KCNQ1: variants seen among roughly 807,000 people sequenced by gnomAD.
KCNQ1 encodes potassium voltage-gated channel subfamily Q member 1.
In KCNQ1, 49 loss-of-function variants were observed where a neutral mutation model predicts 72.4. The ratio of observed to expected loss-of-function variants is 0.68; its 90% CI spans 0.54 to 0.86. The LOEUF is 0.86. Ranked by LOEUF, KCNQ1 falls within the 40% of genes least tolerant of loss-of-function variation. KCNQ1 has a pLI of 0.00. For synonymous variants in KCNQ1, 450 were observed against 412.6 expected (o/e 1.09, Z -1.10); for missense variants, 790 against 945.1 (o/e 0.84, Z 2.15).
chr11:2,520,542 C>T (rs557517735), intron 1 of KCNQ1, among the ~76,000 whole-genome samples: 1 of 152,294 alleles, frequency 6.6e-6, no homozygotes, highest in African/African-American at 2.4e-5. Flanking sequence ...GGGTGACCAG[C>T]TGGTAGCTTT....
chr11:2,615,474 T>C (rs1029892227), intron 10 of KCNQ1: 2 of 397,984 alleles, frequency 5.0e-6, no homozygotes, highest in African/African-American at 4.1e-5. Context: ...CAGCCATATC[T>C]TACTCTTTGT....
intron 10 of KCNQ1, chr11:2,649,440 T>C: frequency 2.5e-6 from 1 of 398,564 alleles, no homozygotes; most frequent in Non-Finnish European, 4.4e-6. Context: ...GATGTAGTAC[T>C]CCCTTAAGCA....
In KCNQ1 at chr11:2,536,201, C is replaced by T. The variant is rs566716217; in HGVS notation, c.477+8183C>T. ...GGGCAGCAGGGGCGCTCAGCTGGGC[C>T]GCGGCTCCACGGTGTTAAGGGATTC... is the stretch of plus-strand genomic sequence containing the variant. On this transcript the variant is annotated intron_variant, in intron 2 of 15. Coordinates refer to ENST00000155840, the MANE Select transcript of KCNQ1 (RefSeq NM_000218.3). The surrounding 1 kb of genome is among the most constrained non-coding windows in gnomAD (Gnocchi z 7.4). Among the ~76,000 whole-genome samples, 9 of 152,332 alleles carry T rather than the reference C, an allele frequency of 5.9e-5. No homozygotes were observed. The highest frequency in any genetic ancestry group is 2.1e-4 in the South Asian group (1 of 4,830).
At chr11:2,791,352 G>C (rs1253571723) in intron 15 of KCNQ1, among the ~76,000 whole-genome samples, 1 of 152,044 alleles carries the variant, frequency 6.6e-6, no homozygotes, top group African/African-American at 2.4e-5. Context: ...GCGGAGCCTT[G>C]TCTGTGCGGC....
chr11:2,789,311 T>C (rs1326145981), intron 15 of KCNQ1, among the ~76,000 whole-genome samples: 3 of 152,214 alleles, frequency 2.0e-5, no homozygotes, highest in Non-Finnish European at 4.4e-5. Flanking sequence ...TGGAAGGGAC[T>C]CTAGCACTGC....
At position 2,564,112 on chromosome 11, in the gene KCNQ1, A is replaced by ACCATTTAAG. The variant is rs1848213088; in HGVS notation, c.478-6510_478-6509insAAGCCATTT. 1.3e-5 allele frequency among the ~76,000 whole-genome samples: 2 copies of ACCATTTAAG among 152,138 alleles called. No individual in the cohort carries two copies. Among genetic ancestry groups the ACCATTTAAG allele is most frequent in the African/African-American group, 4.8e-5 (2 of 41,418 alleles). On this transcript the variant is annotated intron_variant, in intron 2 of 15. Coordinates refer to ENST00000155840, the MANE Select transcript of KCNQ1 (RefSeq NM_000218.3). The surrounding 1 kb of genome is among the most constrained non-coding windows in gnomAD (Gnocchi z 4.5). The stretch of plus-strand genomic sequence containing the variant: ...AGAGAACACACATAACGTAAAATTC[A>ACCATTTAAG]CCATTTCAGCCATTTCAGCCATTTC...
Position 2,683,612 on chromosome 11 carries a change from C to T in KCNQ1, c.1514+21531C>T, listed in dbSNP as rs1850435881. 5.0e-6 allele frequency: 2 copies of T among 398,646 alleles called. No homozygotes were observed. The highest frequency in any genetic ancestry group is 4.4e-5 in the Admixed American group (1 of 22,734). 24.7% of individuals were successfully genotyped at this position (398,646 alleles called of 1,614,324 possible). ...AAATGCCAACTCATTTCAAATACTG[C>T]TCTAGACAACTGGGCCCTGCATCTG... On this transcript the variant is annotated intron_variant, in intron 11 of 15. Transcript: ENST00000155840. This position sits in a 1 kb window ranked among gnomAD's most constrained non-coding sequence, Gnocchi z 4.7.
chr11:2,837,576 TAAG>T (rs889538018), intron 15 of KCNQ1, among the ~76,000 whole-genome samples: 1 of 152,098 alleles, frequency 6.6e-6, no homozygotes, highest in Non-Finnish European at 1.5e-5. Flanking sequence ...AGGCGGCCTC[TAAG>T]AAGCACACAC....
intron 11 of KCNQ1, among the ~76,000 whole-genome samples, chr11:2,741,054 C>T (rs574423449): frequency 6.6e-6 from 1 of 152,294 alleles, no homozygotes; most frequent in East Asian, 1.9e-4. Flanking sequence ...TTTGGGGGCG[C>T]CCTGGGGTGG....
chr11:2,848,170 TG>T lies in KCNQ1; in HGVS notation c.*172del. The T allele has an allele frequency of 1.4e-6, 1 of 736,378 alleles. No homozygotes were observed. Among genetic ancestry groups the T allele is most frequent in the Non-Finnish European group, 2.3e-6 (1 of 426,904 alleles). 45.6% of individuals were successfully genotyped at this position (736,378 alleles called of 1,614,324 possible). A position where few individuals can be genotyped will look rare whatever the true frequency, so the allele number is the denominator to read the frequency against. ...CATGCTGTCTGGCACAGCCTGCACT[TG>T]GGGGCTCAGCAAGGCCACCTCTTCC... On this transcript the variant is annotated 3_prime_UTR_variant, in exon 16 of 16. Transcript: ENST00000155840.
At chr11:2,519,269 A>G (rs940581944) in intron 1 of KCNQ1, among the ~76,000 whole-genome samples, 1 of 152,218 alleles carries the variant, frequency 6.6e-6, no homozygotes, top group Non-Finnish European at 1.5e-5. Flanking sequence ...CTTCTCTCCA[A>G]CATGACAGGG....
rs1590025203 is a variant in KCNQ1 at position 2,676,141 on chromosome 11, A to G, written c.1514+14060A>G. The G allele has an allele frequency of 2.5e-6, 1 of 398,654 alleles. No individual in the cohort carries two copies. Among genetic ancestry groups the G allele is most frequent in the Non-Finnish European group, 4.4e-6 (1 of 226,074 alleles). The allele number at this position is 398,654 out of a possible 1,614,324, so 24.7% of individuals were successfully genotyped here. Reference sequence around the variant, plus strand: ...GGCTCCTTTTTATACAAATGGTAGCATACTGTATGTATTTTTCTACACTTT... The same window carrying G: ...GGCTCCTTTTTATACAAATGGTAGCGTACTGTATGTATTTTTCTACACTTT... On this transcript the variant is annotated intron_variant, in intron 11 of 15. Coordinates refer to ENST00000155840, the MANE Select transcript of KCNQ1 (RefSeq NM_000218.3). This position sits in a 1 kb window ranked among gnomAD's most constrained non-coding sequence, Gnocchi z 4.2.
chr11:2,574,889 C>T (rs1848398335), intron 6 of KCNQ1, among the ~76,000 whole-genome samples: 2 of 152,240 alleles, frequency 1.3e-5, no homozygotes, highest in African/African-American at 4.8e-5. Context: ...GTGTGGCAGG[C>T]CTGAGCAGGT....
chr11:2,456,765 CA>C (rs61437708), intron 1 of KCNQ1, among the ~76,000 whole-genome samples: 534 of 31,986 alleles, frequency 0.017, 26 homozygotes, highest in East Asian at 0.051. Flanking sequence ...ACTAAAAATC[CA>C]AAAAAAAAAA....
rs959699890 is a variant in KCNQ1, at chr11:2,687,451, T to G, written c.1514+25370T>G. 3.3e-5 allele frequency: 13 copies of G among 398,688 alleles called. No homozygotes were observed. The highest frequency in any genetic ancestry group is 5.7e-5 in the Non-Finnish European group (13 of 226,228). The allele number at this position is 398,688 out of a possible 1,614,324, so 24.7% of individuals were successfully genotyped here. A position where few individuals can be genotyped will look rare whatever the true frequency, so the allele number is the denominator to read the frequency against. Reference sequence around the variant, plus strand: ...CCAGCTGTCCATACAGATCCCTGCCTGCACAAGAGCTGCTGCAGCATTTCA... The same window carrying G: ...CCAGCTGTCCATACAGATCCCTGCCGGCACAAGAGCTGCTGCAGCATTTCA... On this transcript the variant is annotated intron_variant, in intron 11 of 15. Transcript: ENST00000155840. This position sits in a 1 kb window ranked among gnomAD's most constrained non-coding sequence, Gnocchi z 5.0.
At chr11:2,744,502 C>T (rs969178071) in intron 11 of KCNQ1, among the ~76,000 whole-genome samples, 6 of 152,332 alleles carry the variant, frequency 3.9e-5, no homozygotes, top group Admixed American at 3.9e-4. Flanking sequence ...GACGCAGAGC[C>T]GGCACATGAG....
intron 15 of KCNQ1, among the ~76,000 whole-genome samples, chr11:2,790,983 G>A (rs768638766): frequency 1.3e-5 from 2 of 152,132 alleles, no homozygotes; most frequent in Non-Finnish European, 2.9e-5. Flanking sequence ...CCACACTAGC[G>A]TCTCTCTTTC....
rs1459306960 is a variant in KCNQ1 at position 2,617,335 on chromosome 11, C to T, written c.1393+28481C>T. On this transcript the variant is annotated intron_variant, in intron 10 of 15. Coordinates refer to ENST00000155840, the MANE Select transcript of KCNQ1 (RefSeq NM_000218.3). This position sits in a 1 kb window ranked among gnomAD's most constrained non-coding sequence, Gnocchi z 4.6. ...ATAGGTGAGATTATTTAAAACTTTT[C>T]ATTTGTATATGGCTTATTTAACTTA... is the stretch of plus-strand genomic sequence containing the variant. 1 of 398,096 alleles carries T rather than the reference C, an allele frequency of 2.5e-6. No homozygotes were observed. The highest frequency in any genetic ancestry group is 4.4e-5 in the Admixed American group (1 of 22,688). 24.7% of individuals were successfully genotyped at this position (398,096 alleles called of 1,614,324 possible).
Position 2,677,548 on chromosome 11 carries a change from C to T in KCNQ1, c.1514+15467C>T, listed in dbSNP as rs1850314969. On this transcript the variant is annotated intron_variant, in intron 11 of 15. Coordinates refer to ENST00000155840, the MANE Select transcript of KCNQ1 (RefSeq NM_000218.3). This position sits in a 1 kb window ranked among gnomAD's most constrained non-coding sequence, Gnocchi z 4.5. Reference sequence around the variant, plus strand: ...ATCCTCTGCCAAGTATAAAAGATGCCCTCAGATGTTACCATATAATGCTTT... The same window carrying T: ...ATCCTCTGCCAAGTATAAAAGATGCTCTCAGATGTTACCATATAATGCTTT... 2.5e-6 allele frequency: 1 copy of T among 398,346 alleles called. No homozygotes were observed. The highest frequency in any genetic ancestry group is 4.4e-6 in the Non-Finnish European group (1 of 226,054). The allele number at this position is 398,346 out of a possible 1,614,324, so 24.7% of individuals were successfully genotyped here. A position where few individuals can be genotyped will look rare whatever the true frequency, so the allele number is the denominator to read the frequency against.
Sources: gnomAD v4.1 joint callset for allele counts (sites outside exome capture counted in the v4.1 genomes callset) on GRCh38, gnomAD v4.1.1 for gene constraint, Gnocchi (gnomAD v3.1) non-coding constraint, MANE v1.5 for transcripts, NCBI Gene and HGNC (gene_info 2026-07-23, HGNC 2026-07-21) for gene names.